The following ANKRD36 variants were observed in gnomAD, a reference collection of about 807,000 sequenced individuals.
ANKRD36 encodes the protein ankyrin repeat domain 36.
Under a neutral mutation model 278.1 loss-of-function variants are expected in ANKRD36, and 179 were observed. The ratio of observed to expected loss-of-function variants is 0.64; its 90% CI spans 0.57 to 0.73. The LOEUF (loss-of-function observed/expected upper bound fraction) is 0.73. ANKRD36 is among the 30% of genes least tolerant of loss of function. ANKRD36 has a pLI of 0.00. For synonymous variants in ANKRD36, 320 were observed against 641.1 expected (o/e 0.50, Z 7.57); for missense variants, 1,159 against 1,956.7 (o/e 0.59, Z 7.69).
chr2:97,125,891 G>A (rs1366853097), intron 5 of ANKRD36, among the ~76,000 whole-genome samples: 3 of 151,660 alleles, frequency 2.0e-5, no homozygotes, highest in Admixed American at 1.3e-4. Context: ...GTAAAAGTAA[G>A]GCTTTGTGCT....
intron 9 of ANKRD36, 42 bp from the exon 10 acceptor site, chr2:97,144,598 T>C (rs2153453915): frequency 1.3e-6 from 2 of 1,564,294 alleles, no homozygotes; most frequent in East Asian, 2.3e-5. Context: ...GTCTATGGAA[T>C]ATACTGTAGG....
chr2:97,195,783 C>T (rs2059591957), intron 40 of ANKRD36, among the ~76,000 whole-genome samples: 1 of 151,890 alleles, frequency 6.6e-6, no homozygotes, highest in Admixed American at 6.6e-5. Context: ...CAATTAAGTC[C>T]TAGAGTGATC....
chr2:97,232,170 T>C (rs1431896624), intron 67 of ANKRD36, among the ~76,000 whole-genome samples: 1 of 152,062 alleles, frequency 6.6e-6, no homozygotes, highest in Non-Finnish European at 1.5e-5. Flanking sequence ...AAAATTTTTC[T>C]CTTTTTACAC....
chr2:97,220,372 C>G (rs1421991240), intron 66 of ANKRD36, among the ~76,000 whole-genome samples: 1 of 149,676 alleles, frequency 6.7e-6, no homozygotes, highest in African/African-American at 2.5e-5. Flanking sequence ...ATTAAGCATC[C>G]TCATTTCCTA....
intron 54 of ANKRD36, among the ~76,000 whole-genome samples, chr2:97,209,386 CA>C (rs2063742284): frequency 6.8e-6 from 1 of 146,686 alleles, no homozygotes; most frequent in African/African-American, 2.6e-5. Flanking sequence ...TTTTAGATCA[CA>C]TTTGTCCTCA....
At position 97,187,476 on chromosome 2, in the gene ANKRD36, C is replaced by T. The variant is rs1008666840; in HGVS notation, c.2143+75C>T. 2.0e-3 allele frequency: 47 copies of T among 23,640 alleles called. No homozygotes were observed. The African/African-American group carries it at 0.023, about 11-fold the overall frequency. The allele number at this position is 23,640 out of a possible 1,614,324, so 1.5% of individuals were successfully genotyped here. A position where few individuals can be genotyped will look rare whatever the true frequency, so the allele number is the denominator to read the frequency against. ...AACTTCTCTACCCCTAATAAATCAG[C>T]GGAGGGCGGGTGGGGGGGCTCGCCG... is the stretch of plus-strand genomic sequence containing the variant. On this transcript the variant is annotated intron_variant, in intron 32 of 75. Transcript: ENST00000420699.
At position 97,183,857 on chromosome 2, in the gene ANKRD36, C is replaced by G. The variant is rs936464058; in HGVS notation, c.1939+203C>G. 1.8e-4 allele frequency among the ~76,000 whole-genome samples: 27 copies of G among 151,526 alleles called. 1 individual carries two copies. The highest frequency in any genetic ancestry group is 5.3e-4 in the African/African-American group (22 of 41,302). Reference sequence around the variant, plus strand: ...CTTAGTAACAAGCTTGTAGAGTTCCCTACATTGAATTTGGATAGAAGAACC... The same window carrying G: ...CTTAGTAACAAGCTTGTAGAGTTCCGTACATTGAATTTGGATAGAAGAACC... On this transcript the variant is annotated intron_variant, in intron 28 of 75. Transcript: ENST00000420699.
chr2:97,158,147 C>G lies in ANKRD36; in HGVS notation c.1301C>G (p.Ser434Cys). 1 of 1,513,978 alleles carries G rather than the reference C, an allele frequency of 6.6e-7. No individual in the cohort carries two copies. Among genetic ancestry groups the G allele is most frequent in the Non-Finnish European group, 8.9e-7 (1 of 1,126,866 alleles). The allele number at this position is 1,513,978 out of a possible 1,614,324, so 93.8% of individuals were successfully genotyped here. A position where few individuals can be genotyped will look rare whatever the true frequency, so the allele number is the denominator to read the frequency against. ...EPYFTNRRTI[S>C]QQSAENLDAA... ...TACTTTACGAACAGAAGGACTATTT[C>G]TCAACAATCTGCAGAAAATTGTAAG... Residue 434 changes from serine to cysteine, a missense_variant, in exon 16 of 76, where the codon TCT becomes TGT. Ser to Cys is a moderately radical substitution (Grantham distance 112, BLOSUM62 -1). Transcript: ENST00000420699.
chr2:97,195,109 C>T (rs531626709), intron 40 of ANKRD36, among the ~76,000 whole-genome samples, 192 bp downstream of exon 40: 8 of 152,072 alleles, frequency 5.3e-5, no homozygotes, highest in South Asian at 4.2e-4. Context: ...TAAGATTATA[C>T]GCATCCCCAC....
In ANKRD36 at chr2:97,123,615, A is replaced by T. The variant is rs1422622505; in HGVS notation, c.593+622A>T. Reference sequence around the variant, plus strand: ...AGGGTGGTTGTGTGTAAGTAACATTATATATATATATATATATATATAATG... The same window carrying T: ...AGGGTGGTTGTGTGTAAGTAACATTTTATATATATATATATATATATAATG... On this transcript the variant is annotated intron_variant, in intron 4 of 75. Transcript: ENST00000420699. Among the ~76,000 whole-genome samples the T allele has an allele frequency of 1.4e-4, 6 of 41,664 alleles. 1 individual carries two copies. Among genetic ancestry groups the T allele is most frequent in the Admixed American group, 1.4e-3 (6 of 4,428 alleles). The allele number at this position is 41,664 out of a possible 152,430, so 27.3% of individuals were successfully genotyped here.
chr2:97,199,780 A>T (rs535340254), intron 44 of ANKRD36, among the ~76,000 whole-genome samples: 1 of 152,016 alleles, frequency 6.6e-6, no homozygotes, highest in East Asian at 2.0e-4. Flanking sequence ...ATTATGTACT[A>T]GGTATCAGCA....
chr2:97,181,851 T>A lies in ANKRD36; in HGVS notation c.1837+58T>A. On this transcript the variant is annotated intron_variant, in intron 26 of 75. Coordinates refer to ENST00000420699, the MANE Select transcript of ANKRD36 (RefSeq NM_001354587.1). ...CAGTCAAGATAGAAAAGTACTTCTC[T>A]TCCCCGAATAAATCAGCAGGGGATT... 5.3e-6 allele frequency: 6 copies of A among 1,132,570 alleles called. No individual in the cohort carries two copies. The South Asian group carries it at 7.2e-5, about 14-fold the overall frequency. 70.2% of individuals were successfully genotyped at this position (1,132,570 alleles called of 1,614,324 possible).
chr2:97,195,345 T>G (rs2059474548), intron 40 of ANKRD36, among the ~76,000 whole-genome samples: 1 of 151,950 alleles, frequency 6.6e-6, no homozygotes, highest in Non-Finnish European at 1.5e-5. Context: ...AGACCCCTGA[T>G]GTAGCAATTA....
At chr2:97,178,354 C>T (rs201571426) in intron 22 of ANKRD36, among the ~76,000 whole-genome samples, 33 of 151,830 alleles carry the variant, frequency 2.2e-4, no homozygotes, top group South Asian at 8.4e-4. Flanking sequence ...CTATAAATCA[C>T]GCTGCTATAA....
chr2:97,133,921 A>G (rs1199603542), intron 6 of ANKRD36, among the ~76,000 whole-genome samples: 1 of 151,906 alleles, frequency 6.6e-6, no homozygotes, highest in Non-Finnish European at 1.5e-5. Context: ...ACATTGTTGC[A>G]TCATAATAAT....
At chr2:97,178,576 A>G (rs201377910) in intron 22 of ANKRD36, among the ~76,000 whole-genome samples, 41 of 150,906 alleles carry the variant, frequency 2.7e-4, no homozygotes, top group South Asian at 6.4e-4. Context: ...ACTATCGCAA[A>G]AACAAAAAAC....
chr2:97,189,130 G>A lies in ANKRD36; in HGVS notation c.2172+15G>A, dbSNP rs60687349. ...CAGCCTTGAAGGTAATTAAACTCTC[G>A]TTTACATTGTGAACTAGTAATTCTA... On this transcript the variant is annotated intron_variant, in intron 33 of 75. Coordinates refer to ENST00000420699, the MANE Select transcript of ANKRD36 (RefSeq NM_001354587.1). The A allele has an allele frequency of 0.016, 11,939 of 757,310 alleles. 3,747 individuals carry two copies. The East Asian group carries it at 0.16, about 10-fold the overall frequency. The allele number at this position is 757,310 out of a possible 1,614,324, so 46.9% of individuals were successfully genotyped here.
At chr2:97,226,122 T>C in intron 67 of ANKRD36, among the ~76,000 whole-genome samples, 1 of 151,638 alleles carries the variant, frequency 6.6e-6, no homozygotes, top group Non-Finnish European at 1.5e-5. Context: ...TGATTTATAG[T>C]CCTTTGGGTA....
chr2:97,206,204 A>G, intron 52 of ANKRD36, 69 bp downstream of exon 52: 1 of 1,415,240 alleles, frequency 7.1e-7, no homozygotes, highest in Non-Finnish European at 9.5e-7. Flanking sequence ...CCCCAAGTAA[A>G]TCAGCGGGGG....
Sources: allele counts gnomAD v4.1 joint callset (sites outside exome capture counted in the v4.1 genomes callset), GRCh38; gene constraint gnomAD v4.1.1; transcripts MANE v1.5; gene names NCBI Gene and HGNC (gene_info 2026-07-23, HGNC 2026-07-21).